Variants in KIAA2012 observed in about 807,000 individuals in gnomAD.
KIAA2012 encodes uncharacterized protein KIAA2012.
A neutral mutation model predicts 150.6 loss-of-function variants in KIAA2012; 125 were observed. That is an observed-to-expected ratio of 0.83 (90% confidence interval 0.72 to 0.96). KIAA2012 has a LOEUF of 0.96. KIAA2012 is among the 40% of genes least tolerant of loss of function. KIAA2012 has a pLI of 0.00. For missense variants in KIAA2012, 1,219 were observed against 1,354.9 expected (o/e 0.90, Z 1.57); for synonymous variants, 462 against 504.7 (o/e 0.92, Z 1.13).
chr2:202,117,690 T>C (rs1434064289), intron 11 of KIAA2012, among the ~76,000 whole-genome samples: 2 of 152,154 alleles, frequency 1.3e-5, no homozygotes, highest in Non-Finnish European at 2.9e-5. Flanking sequence ...ACATGTCCCG[T>C]CGAACTCCAA....
At chr2:202,158,058 G>A (rs151043595) in intron 14 of KIAA2012, among the ~76,000 whole-genome samples, 3 of 152,024 alleles carry the variant, frequency 2.0e-5, no homozygotes, top group African/African-American at 4.8e-5. Context: ...GCAGTGGCAC[G>A]ATCTTGGCTC....
At chr2:202,144,530 A>C (rs1452977000) in intron 13 of KIAA2012, among the ~76,000 whole-genome samples, 2 of 152,234 alleles carry the variant, frequency 1.3e-5, no homozygotes, top group African/African-American at 2.4e-5. Context: ...AAAAAAAACA[A>C]AAGATAAAAC....
At chr2:202,141,458 A>G (rs754016530) in intron 13 of KIAA2012, among the ~76,000 whole-genome samples, 3 of 152,110 alleles carry the variant, frequency 2.0e-5, no homozygotes, top group East Asian at 1.9e-4. Flanking sequence ...AAAGGAGACA[A>G]CCAGACATGT....
intron 8 of KIAA2012, 60 bp from the exon 9 acceptor site, chr2:202,105,701 G>T: frequency 6.6e-7 from 1 of 1,522,070 alleles, no homozygotes; most frequent in Non-Finnish European, 8.8e-7. Context: ...CCCAAAAGAA[G>T]AGACATTAGG....
chr2:202,076,317 A>T (rs1689323570), intron 2 of KIAA2012, among the ~76,000 whole-genome samples: 1 of 152,086 alleles, frequency 6.6e-6, no homozygotes, highest in Admixed American at 6.5e-5. Flanking sequence ...GGAATTAATG[A>T]CTTGGTCATG....
intron 21 of KIAA2012, among the ~76,000 whole-genome samples, chr2:202,195,900 A>G (rs1454843629): frequency 2.0e-5 from 3 of 152,230 alleles, no homozygotes; most frequent in Non-Finnish European, 4.4e-5. Flanking sequence ...ATGTATATAT[A>G]TACCACATTT....
chr2:202,098,514 T>C (rs1352665575), intron 5 of KIAA2012, among the ~76,000 whole-genome samples: 1 of 152,222 alleles, frequency 6.6e-6, no homozygotes, highest in Admixed American at 6.5e-5. Flanking sequence ...ACTCTGGGTT[T>C]TCCAAACTTA....
At chr2:202,182,299 T>TG (rs1287670324) in intron 15 of KIAA2012, among the ~76,000 whole-genome samples, 1 of 151,722 alleles carries the variant, frequency 6.6e-6, no homozygotes, top group African/African-American at 2.4e-5. Flanking sequence ...TTACTAGAGA[T>TG]GGGGTTTCTC....
chr2:202,200,026 G>A (rs146994087), intron 22 of KIAA2012, among the ~76,000 whole-genome samples: 15,020 of 140,500 alleles, frequency 0.11, 970 homozygotes, highest in Admixed American at 0.14. Context: ...TGCCTCCCCG[G>A]TTCAAGCGAT....
chr2:202,122,498 C>CTT (rs368758133), intron 11 of KIAA2012, among the ~76,000 whole-genome samples: 4 of 119,172 alleles, frequency 3.4e-5, no homozygotes, highest in Non-Finnish European at 5.0e-5. Context: ...CAAATCCGCT[C>CTT]TTTTTTTTTT....
chr2:202,177,915 T>C (rs2177085), intron 15 of KIAA2012, among the ~76,000 whole-genome samples: 149,664 of 152,346 alleles, frequency 0.98, 73,566 homozygotes, highest in East Asian at 1. Flanking sequence ...ATGCATGACT[T>C]AGGCTGGGCA....
chr2:202,082,039 T>C (rs1014832792), intron 2 of KIAA2012, among the ~76,000 whole-genome samples: 7 of 152,150 alleles, frequency 4.6e-5, no homozygotes, highest in Admixed American at 4.6e-4. Flanking sequence ...TGGAATCTCA[T>C]TGTGGGTTTG....
intron 10 of KIAA2012, among the ~76,000 whole-genome samples, chr2:202,111,196 A>G (rs980906126): frequency 7.9e-5 from 12 of 152,088 alleles, no homozygotes; most frequent in African/African-American, 2.9e-4. Context: ...GGAGAATCTG[A>G]TTAGAATAGA....
chr2:202,201,800 A>C, intron 22 of KIAA2012: 1 of 1,302,806 alleles, frequency 7.7e-7, no homozygotes. Context: ...GAGCCTGAGA[A>C]AGATGCAAGG....
rs1184590177 is a variant in KIAA2012 at position 202,073,652 on chromosome 2, C to T, written c.25C>T (p.Arg9Trp). The T allele has an allele frequency of 7.1e-6, 11 of 1,550,252 alleles. No individual in the cohort carries two copies. Among genetic ancestry groups the T allele is most frequent in the African/African-American group, 2.7e-5 (2 of 73,006 alleles). Reference sequence around the variant, plus strand: ...CATGTTCACGCTCTCCCTCCTGAGCCGGGGCCACGGGAAGCTGGGCCAGGA... The same window carrying T: ...CATGTTCACGCTCTCCCTCCTGAGCTGGGGCCACGGGAAGCTGGGCCAGGA... MFTLSLLS[R>W]GHGKLGQDKQ... The change falls in exon 1 of 24, where the codon CGG becomes TGG. Residue 9 changes from arginine (R) to tryptophan (W), a missense_variant. Arg to Trp is a moderately radical substitution (Grantham distance 101). Transcript: ENST00000498697.
chr2:202,086,167 CAAAAA>C (rs56207993), intron 2 of KIAA2012, among the ~76,000 whole-genome samples: 5 of 90,152 alleles, frequency 5.5e-5, no homozygotes, highest in Non-Finnish European at 1.0e-4. Flanking sequence ...AACTCTGTCT[CAAAAA>C]AAAAAAAAAA....
In KIAA2012 at chr2:202,103,133, G is replaced by T; in HGVS notation, c.1324+19G>T. On this transcript the variant is annotated intron_variant, in intron 8 of 23. Coordinates refer to ENST00000498697, the MANE Select transcript of KIAA2012 (RefSeq NM_001277372.4). ...AGAAGAGGTAGGTCCCGGGTGCATG[G>T]GCACTCCTGAGGGAGAGCCTGGGAT... is the stretch of plus-strand genomic sequence containing the variant. The T allele has an allele frequency of 6.5e-7, 1 of 1,549,484 alleles. No individual in the cohort carries two copies. The highest frequency in any genetic ancestry group is 8.7e-7 in the Non-Finnish European group (1 of 1,146,794).
intron 12 of KIAA2012, among the ~76,000 whole-genome samples, chr2:202,129,194 C>T (rs577612766): frequency 2.3e-4 from 35 of 151,472 alleles, no homozygotes; most frequent in African/African-American, 8.0e-4. Context: ...AACATCTATT[C>T]GTTGGAACAC....
chr2:202,151,163 A>G (rs1691418280), intron 13 of KIAA2012, among the ~76,000 whole-genome samples: 1 of 152,108 alleles, frequency 6.6e-6, no homozygotes, highest in Non-Finnish European at 1.5e-5. Context: ...TTGAGAGGCC[A>G]AGGCGGGTGG....
Sources: allele counts gnomAD v4.1 joint callset (sites outside exome capture counted in the v4.1 genomes callset), GRCh38; gene constraint gnomAD v4.1.1; transcripts MANE v1.5; gene names NCBI Gene and HGNC (gene_info 2026-07-23, HGNC 2026-07-21).